ZFHX3: variants seen among roughly 807,000 people sequenced by gnomAD.
ZFHX3 encodes zinc finger homeobox 3.
Under a neutral mutation model 279.1 loss-of-function variants are expected in ZFHX3, and 42 were observed. The observed-to-expected ratio is 0.15, with a 90% CI of 0.12 to 0.19. The LOEUF (loss-of-function observed/expected upper bound fraction) is 0.19. Ranked by LOEUF, ZFHX3 falls within the 10% of genes least tolerant of loss-of-function variation. The probability of loss-of-function intolerance (pLI) is 1.00; values close to 1 mark genes in which losing one functional copy is unlikely to be tolerated. For missense variants in ZFHX3, 4,981 were observed against 4,754.0 expected, an observed-to-expected ratio of 1.05 and a Z score of -1.40; for synonymous variants, 2,293 against 1,957.8, an observed-to-expected ratio of 1.17 and a Z score of -4.52.
chr16:73,318,632 C>G (rs532677244), intron 3 of ZFHX3, among the ~76,000 whole-genome samples: 1 of 152,104 alleles, frequency 6.6e-6, no homozygotes, highest in East Asian at 1.9e-4. Context: ...ATTAAGAAAC[C>G]TCAAAGTAAT....
intron 2 of ZFHX3, among the ~76,000 whole-genome samples, chr16:73,570,359 T>G (rs1408639961): frequency 6.6e-6 from 1 of 152,208 alleles, no homozygotes; most frequent in Admixed American, 6.5e-5. Flanking sequence ...TGGGGATGGT[T>G]TTCTCATGGC....
chr16:73,372,895 C>A (rs1040845473), intron 3 of ZFHX3, among the ~76,000 whole-genome samples: 1 of 152,158 alleles, frequency 6.6e-6, no homozygotes, highest in Admixed American at 6.5e-5. Context: ...AAACATACAC[C>A]CTCGCATGCA....
chr16:73,607,528 C>T (rs1262100014), intron 2 of ZFHX3, among the ~76,000 whole-genome samples: 1 of 152,138 alleles, frequency 6.6e-6, no homozygotes, highest in East Asian at 1.9e-4. Flanking sequence ...CATTTTTCTT[C>T]TATAAAATGC....
intron 1 of ZFHX3, among the ~76,000 whole-genome samples, chr16:73,850,540 A>G (rs1381663201): frequency 1.3e-5 from 2 of 152,158 alleles, no homozygotes; most frequent in African/African-American, 4.8e-5. Context: ...GAGCTGCAGG[A>G]TGGGGCAGAG....
Position 73,847,419 on chromosome 16 carries a change from G to C in ZFHX3, c.-1608+44232C>G, listed in dbSNP as rs370235349. 1.3e-4 allele frequency among the ~76,000 whole-genome samples: 20 copies of C among 152,322 alleles called. 1 individual carries two copies. Among genetic ancestry groups the C allele is most frequent in the East Asian group, 7.7e-4 (4 of 5,184 alleles). On this transcript the variant is annotated intron_variant, in intron 1 of 17. Transcript: ENST00000641206. ...GTCCCTGGAAAATGCATTCCCATGAGAGGCTTGCTGGAGAACAGCACCCTT... is the reference window on the plus strand; with the variant it reads ...GTCCCTGGAAAATGCATTCCCATGACAGGCTTGCTGGAGAACAGCACCCTT...
intron 7 of ZFHX3, among the ~76,000 whole-genome samples, chr16:72,806,602 A>C (rs927324816): frequency 2.6e-5 from 4 of 152,202 alleles, no homozygotes; most frequent in Non-Finnish European, 5.9e-5. Context: ...AGGTGGGTGC[A>C]ACCGCCCCCA....
chr16:73,296,982 A>G (rs2014932419), intron 4 of ZFHX3, among the ~76,000 whole-genome samples: 1 of 146,438 alleles, frequency 6.8e-6, no homozygotes. Context: ...GGTTCATGCC[A>G]TTCTCCTGCC....
intron 3 of ZFHX3, among the ~76,000 whole-genome samples, chr16:73,376,974 CTT>C (rs11399068): frequency 3.6e-5 from 5 of 139,686 alleles, no homozygotes; most frequent in Non-Finnish European, 4.6e-5. Flanking sequence ...ATCATGACTG[CTT>C]TTTTTTTTTT....
intron 5 of ZFHX3, among the ~76,000 whole-genome samples, chr16:73,208,168 AC>A (rs1483880056): frequency 3.3e-5 from 5 of 152,166 alleles, no homozygotes; most frequent in Non-Finnish European, 5.9e-5. Context: ...CTGCCCCAAA[AC>A]GTTCCTAGCA....
intron 3 of ZFHX3, among the ~76,000 whole-genome samples, chr16:73,424,560 C>G (rs35614540): frequency 2.6e-5 from 4 of 151,786 alleles, no homozygotes; most frequent in South Asian, 4.2e-4. Context: ...GCCTGGGCAA[C>G]GTAGCAAGAC....
At chr16:73,558,704 T>G (rs1288415928) in intron 2 of ZFHX3, among the ~76,000 whole-genome samples, 2 of 143,118 alleles carry the variant, frequency 1.4e-5, no homozygotes, top group Non-Finnish European at 1.5e-5. Flanking sequence ...CAGAAGAAAA[T>G]GACTCTTTTT....
At chr16:73,330,854 A>T (rs543403402) in intron 3 of ZFHX3, among the ~76,000 whole-genome samples, 1 of 152,322 alleles carries the variant, frequency 6.6e-6, no homozygotes, top group South Asian at 2.1e-4. Context: ...GAAGAGTAAC[A>T]TCAACCCTAT....
chr16:73,350,977 G>A (rs2016230905), intron 3 of ZFHX3, among the ~76,000 whole-genome samples: 1 of 152,216 alleles, frequency 6.6e-6, no homozygotes, highest in Non-Finnish European at 1.5e-5. Context: ...GGTCCAACCA[G>A]TGACTTGAAA....
chr16:73,723,166 CT>C (rs1208820032), intron 1 of ZFHX3, among the ~76,000 whole-genome samples: 1 of 152,194 alleles, frequency 6.6e-6, no homozygotes, highest in Non-Finnish European at 1.5e-5. Flanking sequence ...ACGGACTGAT[CT>C]TTCACTGTTG....
chr16:73,316,163 G>A (rs2015443173), intron 4 of ZFHX3, among the ~76,000 whole-genome samples: 1 of 152,186 alleles, frequency 6.6e-6, no homozygotes, highest in African/African-American at 2.4e-5. Context: ...AGGTGTTCTA[G>A]CAAAGACAGC....
At chr16:73,172,988 GTTTTTTTGTTTTTTTTTTTGTTTTTTTTT>G (rs1210876793) in intron 5 of ZFHX3, among the ~76,000 whole-genome samples, 3 of 46,170 alleles carry the variant, frequency 6.5e-5, no homozygotes, top group Non-Finnish European at 1.1e-4. Context: ...TGATGGGACT[GTTTTTTTGTTTTTTTTTTTGTTTTTTTTT>G]TTTTTTTTTG....
intron 7 of ZFHX3, among the ~76,000 whole-genome samples, chr16:73,129,383 C>T (rs1385926848): frequency 9.8e-6 from 1 of 101,734 alleles, no homozygotes; most frequent in Non-Finnish European, 2.3e-5. Flanking sequence ...GACTCTGACA[C>T]ACACACACAC....
At chr16:73,367,365 G>A (rs2016547627) in intron 3 of ZFHX3, among the ~76,000 whole-genome samples, 1 of 152,164 alleles carries the variant, frequency 6.6e-6, no homozygotes, top group South Asian at 2.1e-4. Context: ...GGAGCAGGAA[G>A]AACAGTGTGC....
At chr16:72,869,816 A>T (rs1036709431) in intron 4 of ZFHX3, among the ~76,000 whole-genome samples, 1 of 152,238 alleles carries the variant, frequency 6.6e-6, no homozygotes, top group Non-Finnish European at 1.5e-5. Flanking sequence ...ATTAATTACA[A>T]AGGGAAAAAT....
Sources: gnomAD v4.1 joint callset for allele counts (sites outside exome capture counted in the v4.1 genomes callset) on GRCh38, gnomAD v4.1.1 for gene constraint, MANE v1.5 for transcripts, NCBI Gene and HGNC (gene_info 2026-07-23, HGNC 2026-07-21) for gene names.